LRP1B: variants seen among roughly 807,000 people sequenced by gnomAD.
The protein encoded by LRP1B is low-density lipoprotein receptor-related protein 1B.
A neutral mutation model predicts 556.6 loss-of-function variants in LRP1B; 217 were observed. The ratio of observed to expected loss-of-function variants is 0.39; its 90% CI spans 0.35 to 0.44. The LOEUF (loss-of-function observed/expected upper bound fraction) is 0.44. LRP1B is among the 20% of genes least tolerant of loss of function. The pLI, the probability that LRP1B is intolerant of heterozygous loss-of-function variation, is 1.00. For missense variants in LRP1B, 5,053 were observed against 5,620.8 expected (o/e 0.90, Z 3.23); for synonymous variants, 2,047 against 1,865.8 (o/e 1.10, Z -2.50).
At chr2:140,760,814 G>A (rs113847044) in intron 35 of LRP1B, among the ~76,000 whole-genome samples, 7,695 of 152,128 alleles carry the variant, frequency 0.051, 482 homozygotes, top group East Asian at 0.23. Context: ...TCTTGAACCC[G>A]GGAGGCGGAA....
intron 6 of LRP1B, among the ~76,000 whole-genome samples, chr2:141,196,648 A>G (rs778717174): frequency 1.3e-5 from 2 of 151,958 alleles, no homozygotes; most frequent in Non-Finnish European, 2.9e-5. Flanking sequence ...CTTAGAATTT[A>G]TTATTGCATA....
At chr2:140,894,043 T>A (rs1347764498) in intron 23 of LRP1B, among the ~76,000 whole-genome samples, 1 of 152,080 alleles carries the variant, frequency 6.6e-6, no homozygotes, top group Non-Finnish European at 1.5e-5. Flanking sequence ...AAAATCCGGA[T>A]GGAAACTGAT....
chr2:141,102,285 G>C (rs1700480860), intron 7 of LRP1B, among the ~76,000 whole-genome samples: 2 of 152,142 alleles, frequency 1.3e-5, no homozygotes, highest in South Asian at 4.1e-4. Context: ...GAGCAACACA[G>C]GCGATATACC....
At chr2:140,465,048 C>T (rs1452001705) in intron 60 of LRP1B, among the ~76,000 whole-genome samples, 1 of 152,086 alleles carries the variant, frequency 6.6e-6, no homozygotes, top group Non-Finnish European at 1.5e-5. Flanking sequence ...GCTTAATTGG[C>T]TCATGGTTCT....
chr2:140,723,147 T>C (rs1687474456), intron 35 of LRP1B, among the ~76,000 whole-genome samples: 1 of 152,200 alleles, frequency 6.6e-6, no homozygotes, highest in African/African-American at 2.4e-5. Flanking sequence ...CCCAAGATAC[T>C]TGCTTTTTTG....
chr2:140,612,871 C>A (rs1157875545), intron 41 of LRP1B, among the ~76,000 whole-genome samples: 1 of 151,868 alleles, frequency 6.6e-6, no homozygotes, highest in Non-Finnish European at 1.5e-5. Flanking sequence ...GGAAGATTAC[C>A]GGAGGAAGGA....
Position 140,790,123 on chromosome 2 carries a change from A to G in LRP1B, c.5360-13885T>C, listed in dbSNP as rs112093521. Among the ~76,000 whole-genome samples the G allele has an allele frequency of 6.8e-3, 1,039 of 152,156 alleles. 9 individuals are homozygous for G. Among genetic ancestry groups the G allele is most frequent in the African/African-American group, 0.024 (998 of 41,540 alleles). On this transcript the variant is annotated intron_variant, in intron 32 of 90. Transcript: ENST00000389484. ...TTTTGTATATATTTATGCATTTACT[A>G]TCTTCCTCAACCAAATGCAACCTCC...
chr2:141,449,457 T>C (rs990107311), intron 3 of LRP1B, among the ~76,000 whole-genome samples: 1 of 152,336 alleles, frequency 6.6e-6, no homozygotes, highest in South Asian at 2.1e-4. Flanking sequence ...ATTTTTTATA[T>C]TTCAGATTTT....
intron 3 of LRP1B, among the ~76,000 whole-genome samples, chr2:141,404,916 A>G (rs1441713036): frequency 6.6e-6 from 1 of 151,914 alleles, no homozygotes; most frequent in Admixed American, 6.6e-5. Flanking sequence ...GATATTTTTA[A>G]TGACCATTAA....
intron 84 of LRP1B, among the ~76,000 whole-genome samples, chr2:140,275,317 CAG>C (rs1682624958): frequency 6.6e-6 from 1 of 152,050 alleles, no homozygotes; most frequent in Non-Finnish European, 1.5e-5. Flanking sequence ...TCACTAGAAG[CAG>C]AGAGCTCTCT....
chr2:141,428,406 T>C (rs1666118325), intron 3 of LRP1B, among the ~76,000 whole-genome samples: 1 of 152,114 alleles, frequency 6.6e-6, no homozygotes, highest in Non-Finnish European at 1.5e-5. Context: ...CCTAGAACTT[T>C]AAGTATATTT....
chr2:140,362,068 T>C (rs538485387), intron 72 of LRP1B, among the ~76,000 whole-genome samples: 1 of 151,802 alleles, frequency 6.6e-6, no homozygotes, highest in East Asian at 1.9e-4. Flanking sequence ...TTCTGCCTTT[T>C]ATATCATCTT....
intron 7 of LRP1B, among the ~76,000 whole-genome samples, chr2:141,123,304 C>T (rs1482987778): frequency 6.6e-6 from 1 of 150,468 alleles, no homozygotes; most frequent in Non-Finnish European, 1.5e-5. Context: ...AGTTTCTTTG[C>T]TTTGGCACCA....
chr2:141,797,748 C>T (rs1458911971), intron 2 of LRP1B, among the ~76,000 whole-genome samples: 1 of 152,120 alleles, frequency 6.6e-6, no homozygotes, highest in Non-Finnish European at 1.5e-5. Context: ...TATTAAGCAG[C>T]ATCAAACCAA....
intron 1 of LRP1B, among the ~76,000 whole-genome samples, chr2:141,919,925 A>G (rs1259997305): frequency 6.6e-6 from 1 of 152,006 alleles, no homozygotes. Flanking sequence ...TCAAAGAAAA[A>G]TGCAGAATTT....
intron 3 of LRP1B, among the ~76,000 whole-genome samples, chr2:141,297,010 A>G (rs1686206852): frequency 6.6e-6 from 1 of 152,198 alleles, no homozygotes; most frequent in Admixed American, 6.6e-5. Flanking sequence ...CTCCAGCTGC[A>G]TCCATGTTGC....
intron 3 of LRP1B, among the ~76,000 whole-genome samples, chr2:141,323,699 T>A (rs146364134): frequency 1.7e-4 from 26 of 152,198 alleles, no homozygotes; most frequent in African/African-American, 6.0e-4. Flanking sequence ...CAGATGTTAC[T>A]CCAACTTGGC....
chr2:141,343,373 C>T (rs1365586216), intron 3 of LRP1B, among the ~76,000 whole-genome samples: 1 of 152,134 alleles, frequency 6.6e-6, no homozygotes, highest in Non-Finnish European at 1.5e-5. Context: ...TCATCTGTAT[C>T]ATTTTCAACA....
At chr2:141,022,444 CAATT>C (rs1698092165) in intron 11 of LRP1B, among the ~76,000 whole-genome samples, 1 of 151,916 alleles carries the variant, frequency 6.6e-6, no homozygotes. Flanking sequence ...CTTGAACAAT[CAATT>C]AATTCCTTTC....
Sources: allele counts gnomAD v4.1 joint callset (sites outside exome capture counted in the v4.1 genomes callset), GRCh38; gene constraint gnomAD v4.1.1; transcripts MANE v1.5; gene names NCBI Gene and HGNC (gene_info 2026-07-23, HGNC 2026-07-21).